TAB2: variants seen among roughly 807,000 people sequenced by gnomAD.
TAB2 encodes TGF-beta activated kinase 1 (MAP3K7) binding protein 2.
A neutral mutation model predicts 65.0 loss-of-function variants in TAB2; 3 were observed. The ratio of observed to expected loss-of-function variants is 0.05; its 90% CI spans 0.02 to 0.12. The LOEUF (loss-of-function observed/expected upper bound fraction) is 0.12. TAB2 is among the 10% of genes least tolerant of loss of function. The pLI, the probability that TAB2 is intolerant of heterozygous loss-of-function variation, is 1.00. For missense variants in TAB2, 623 were observed against 840.3 expected, an observed-to-expected ratio of 0.74 and a Z score of 3.20; for synonymous variants, 298 against 285.1, an observed-to-expected ratio of 1.05 and a Z score of -0.46.
At position 149,348,017 on chromosome 6, in the gene TAB2, G is replaced by A. The variant is rs1780360044; in HGVS notation, c.-89-21892G>A. The stretch of plus-strand genomic sequence containing the variant: ...GACTGCATTATCAACACTTCTTTCT[G>A]TGGTAAAGGTACTGTTTAAGAGTAA... On this transcript the variant is annotated intron_variant, in intron 1 of 6. Coordinates refer to ENST00000637181, the MANE Select transcript of TAB2 (RefSeq NM_001292034.3). Among the ~76,000 whole-genome samples the A allele has an allele frequency of 2.6e-5, 4 of 152,256 alleles. No homozygotes were observed. The South Asian group carries it at 6.2e-4, about 24-fold the overall frequency.
At chr6:149,248,297 C>A (rs1422573290) in intron 1 of TAB2, among the ~76,000 whole-genome samples, 1 of 152,004 alleles carries the variant, frequency 6.6e-6, no homozygotes, top group Non-Finnish European at 1.5e-5. Flanking sequence ...GAGGCTGAGG[C>A]AGGAGAATTG....
chr6:149,315,945 A>G (rs1467023636), upstream of TAB2, among the ~76,000 whole-genome samples: 1 of 152,218 alleles, frequency 6.6e-6, no homozygotes. Flanking sequence ...TTTTTTTAAA[A>G]ATTTGCATAA....
rs901634048 is a variant in TAB2 at position 149,410,977 on chromosome 6, C to T, written c.*1258C>T. 2.0e-5 allele frequency: 3 copies of T among 152,280 alleles called. No individual in the cohort carries two copies. The highest frequency in any genetic ancestry group is 4.4e-5 in the Non-Finnish European group (3 of 67,988). 9.4% of individuals were successfully genotyped at this position (152,280 alleles called of 1,614,324 possible). ...GACAGTATCATGTGTATTTATAAAA[C>T]AAGGCTAGCCATATTTAGGACAACT... On this transcript the variant is annotated 3_prime_UTR_variant, in exon 7 of 7. Coordinates refer to ENST00000637181, the MANE Select transcript of TAB2 (RefSeq NM_001292034.3).
At chr6:149,383,763 AAG>A (rs750662498) in intron 3 of TAB2, among the ~76,000 whole-genome samples, 3 of 152,074 alleles carry the variant, frequency 2.0e-5, no homozygotes, top group Non-Finnish European at 4.4e-5. Context: ...TTGTATTTTT[AAG>A]AGAGATGTGG....
At position 149,275,868 on chromosome 6, in the gene TAB2, G is replaced by A. The variant is rs143848956; in HGVS notation, c.-121+57092G>A. ...GGGACGTTTCCAAAATAACCTGATC[G>A]GTACTCCTCAAAACTGTCAAGGTTA... is the stretch of plus-strand genomic sequence containing the variant. On this transcript the variant is annotated intron_variant, in intron 1 of 1. Transcript: ENST00000606202. 4.2e-4 allele frequency among the ~76,000 whole-genome samples: 64 copies of A among 152,182 alleles called. No homozygotes were observed. In the East Asian group the frequency reaches 0.011, roughly 27 times the overall value.
At chr6:149,388,567 A>G (rs1221766326) in intron 3 of TAB2, among the ~76,000 whole-genome samples, 1 of 152,200 alleles carries the variant, frequency 6.6e-6, no homozygotes, top group Admixed American at 6.5e-5. Context: ...CCCACTCATC[A>G]TATTTTGTAG....
chr6:149,333,536 AGGTAGAT>A (rs1779842324), intron 1 of TAB2, among the ~76,000 whole-genome samples: 1 of 152,148 alleles, frequency 6.6e-6, no homozygotes, highest in African/African-American at 2.4e-5. Context: ...GCCCATTTTC[AGGTAGAT>A]GGTAGATGTA....
intron 1 of TAB2, among the ~76,000 whole-genome samples, chr6:149,318,429 T>C (rs918113534): frequency 1.5e-5 from 2 of 132,386 alleles, no homozygotes; most frequent in Non-Finnish European, 3.1e-5. Context: ...AAATCTCCTT[T>C]TGGGGAGCCG....
At chr6:149,312,817 T>C (rs1779187927), upstream of TAB2, among the ~76,000 whole-genome samples, 1 of 152,240 alleles carries the variant, frequency 6.6e-6, no homozygotes, top group South Asian at 2.1e-4. Context: ...AATGGCTGAA[T>C]TGTGATAATT....
At chr6:149,278,737 G>A (rs1778521260) in intron 1 of TAB2, among the ~76,000 whole-genome samples, 2 of 152,032 alleles carry the variant, frequency 1.3e-5, no homozygotes, top group African/African-American at 4.8e-5. Flanking sequence ...AGGAGAAGTA[G>A]AGGAAGGAAG....
At chr6:149,409,101 C>G (rs1020832355) in intron 6 of TAB2, among the ~76,000 whole-genome samples, 28 of 152,060 alleles carry the variant, frequency 1.8e-4, no homozygotes, top group African/African-American at 6.5e-4. Context: ...TTTGTGTCAT[C>G]CAAGGCTTAC....
chr6:149,398,751 T>G (rs1156580779), intron 5 of TAB2, among the ~76,000 whole-genome samples: 1 of 152,128 alleles, frequency 6.6e-6, no homozygotes, highest in African/African-American at 2.4e-5. Flanking sequence ...TTTAGTTACT[T>G]AAGTCCATGT....
chr6:149,316,470 T>G (rs1779254496), upstream of TAB2, among the ~76,000 whole-genome samples: 1 of 152,234 alleles, frequency 6.6e-6, no homozygotes, highest in African/African-American at 2.4e-5. Flanking sequence ...TTTAGGATTT[T>G]TCTCTGGAGT....
chr6:149,334,430 A>G (rs1779874008), intron 1 of TAB2, among the ~76,000 whole-genome samples: 1 of 152,168 alleles, frequency 6.6e-6, no homozygotes, highest in Non-Finnish European at 1.5e-5. Flanking sequence ...CTGTAATACT[A>G]GAGTCTTGAG....
intron 1 of TAB2, chr6:149,255,224 A>G (rs1562390158): frequency 6.6e-6 from 1 of 152,232 alleles, no homozygotes; most frequent in Non-Finnish European, 1.5e-5. Context: ...GAGAGACACC[A>G]GAGCTCATTC....
At chr6:149,408,674 G>A (rs975189717) in intron 6 of TAB2, among the ~76,000 whole-genome samples, 1 of 152,006 alleles carries the variant, frequency 6.6e-6, no homozygotes, top group African/African-American at 2.4e-5. Context: ...TTAATTTGTA[G>A]GAATACTGTT....
chr6:149,347,547 A>T (rs1313482298), intron 1 of TAB2, among the ~76,000 whole-genome samples: 1 of 152,136 alleles, frequency 6.6e-6, no homozygotes, highest in Non-Finnish European at 1.5e-5. Flanking sequence ...ATTTTTGCAG[A>T]TAACTGATTA....
At chr6:149,289,031 G>T (rs1383341491) in intron 1 of TAB2, among the ~76,000 whole-genome samples, 1 of 151,532 alleles carries the variant, frequency 6.6e-6, no homozygotes, top group Non-Finnish European at 1.5e-5. Context: ...CTAATTTTTT[G>T]TATTTTTAGT....
chr6:149,347,132 A>C (rs1324584924), intron 1 of TAB2: 2 of 152,254 alleles, frequency 1.3e-5, no homozygotes, highest in Non-Finnish European at 2.9e-5. Flanking sequence ...AAGTATAACC[A>C]TTCCGTCTTA....
Sources: gnomAD v4.1 joint callset for allele counts (sites outside exome capture counted in the v4.1 genomes callset) on GRCh38, gnomAD v4.1.1 for gene constraint, MANE v1.5 for transcripts, NCBI Gene and HGNC (gene_info 2026-07-23, HGNC 2026-07-21) for gene names.